CNTNAP5: variants seen among roughly 807,000 people sequenced by gnomAD.
CNTNAP5 encodes the protein contactin associated protein family member 5.
In CNTNAP5, 72 loss-of-function variants were observed where a neutral mutation model predicts 150.2. The ratio of observed to expected loss-of-function variants is 0.48; its 90% CI spans 0.40 to 0.58. The LOEUF is 0.58. CNTNAP5 is among the 20% of genes least tolerant of loss of function. CNTNAP5 has a pLI of 0.00. For synonymous variants in CNTNAP5, 672 were observed against 619.8 expected, an observed-to-expected ratio of 1.08 and a Z score of -1.25; for missense variants, 1,636 against 1,626.2, an observed-to-expected ratio of 1.01 and a Z score of -0.10.
At chr2:124,738,258 C>T (rs1680428028) in intron 13 of CNTNAP5, among the ~76,000 whole-genome samples, 1 of 152,136 alleles carries the variant, frequency 6.6e-6, no homozygotes, top group South Asian at 2.1e-4. Context: ...TTTCACTCTG[C>T]ATTTGAAAAC....
chr2:124,680,767 T>C (rs572514249), intron 13 of CNTNAP5: 9 of 151,934 alleles, frequency 5.9e-5, no homozygotes, highest in African/African-American at 2.2e-4. Context: ...ATATAAACAT[T>C]GTTGTAAGGA....
At chr2:124,043,026 A>G (rs1470759176) in intron 1 of CNTNAP5, among the ~76,000 whole-genome samples, 16 of 152,170 alleles carry the variant, frequency 1.1e-4, no homozygotes, top group Non-Finnish European at 1.5e-5. Flanking sequence ...CCAATATTCA[A>G]TTTTTAACAT....
chr2:124,574,581 C>G (rs539977324), intron 11 of CNTNAP5, among the ~76,000 whole-genome samples: 1 of 152,324 alleles, frequency 6.6e-6, no homozygotes, highest in East Asian at 1.9e-4. Flanking sequence ...CATCACAGCT[C>G]TTTCAGCTTC....
At chr2:124,062,359 A>T (rs117127266) in intron 1 of CNTNAP5, among the ~76,000 whole-genome samples, 3,687 of 152,036 alleles carry the variant, frequency 0.024, 61 homozygotes, top group East Asian at 0.068. Flanking sequence ...CTCTTCTTTA[A>T]TTCTGCTTAA....
intron 13 of CNTNAP5, among the ~76,000 whole-genome samples, chr2:124,738,667 G>A (rs1680437038): frequency 6.6e-6 from 1 of 151,840 alleles, no homozygotes; most frequent in African/African-American, 2.4e-5. Flanking sequence ...GCAGGCAGAG[G>A]TTGCAGTGAG....
intron 3 of CNTNAP5, among the ~76,000 whole-genome samples, chr2:124,263,485 T>G (rs543300537): frequency 6.6e-6 from 1 of 152,314 alleles, no homozygotes; most frequent in South Asian, 2.1e-4. Flanking sequence ...TTTGCCCACT[T>G]TTTGATGGGA....
intron 5 of CNTNAP5, among the ~76,000 whole-genome samples, chr2:124,444,952 A>G (rs748637345): frequency 4.6e-5 from 7 of 152,068 alleles, no homozygotes; most frequent in Non-Finnish European, 8.8e-5. Context: ...CATTTTATAG[A>G]TTTATTTGAT....
In CNTNAP5 at chr2:124,914,662, C is replaced by G. The variant is rs1303453992; in HGVS notation, c.*374C>G. 6.1e-6 allele frequency: 1 copy of G among 164,428 alleles called. No homozygotes were observed. The highest frequency in any genetic ancestry group is 2.4e-5 in the African/African-American group (1 of 41,754). The allele number at this position is 164,428 out of a possible 1,614,324, so 10.2% of individuals were successfully genotyped here. On this transcript the variant is annotated 3_prime_UTR_variant, in exon 24 of 24. Coordinates refer to ENST00000682447, the MANE Select transcript of CNTNAP5 (RefSeq NM_001367498.1). ...TTCAGGCTTGCTTTGAACCTGAGCTCTTAGGCACATGACGGTCATTCCTGA... is the reference window on the plus strand; with the variant it reads ...TTCAGGCTTGCTTTGAACCTGAGCTGTTAGGCACATGACGGTCATTCCTGA...
In CNTNAP5 at chr2:124,856,679, T is replaced by C. The variant is rs947172391; in HGVS notation, c.3218-8627T>C. 2.0e-5 allele frequency among the ~76,000 whole-genome samples: 3 copies of C among 152,248 alleles called. No homozygotes were observed. In the South Asian group the frequency reaches 6.2e-4, roughly 32 times the overall value. ...GTGTAGCTGAATTTCAAGTAGGATATAAATAATAATAAAATGCCTTGCTAC... is the reference window on the plus strand; with the variant it reads ...GTGTAGCTGAATTTCAAGTAGGATACAAATAATAATAAAATGCCTTGCTAC... On this transcript the variant is annotated intron_variant, in intron 19 of 23. Transcript: ENST00000682447.
rs200567593 is a variant in CNTNAP5, at chr2:124,437,377, G to GTA, written c.733+2693_733+2694dup. ...TCCTCAAGGAAGACCTATGGCATAA[G>GTA]TATACATTAGCCCCCATTTACAGAT... On this transcript the variant is annotated intron_variant, in intron 5 of 23. Coordinates refer to ENST00000682447, the MANE Select transcript of CNTNAP5 (RefSeq NM_001367498.1). Among the ~76,000 whole-genome samples, 644 of 152,214 alleles carry GTA rather than the reference G, an allele frequency of 4.2e-3. 7 individuals carry two copies. The Middle Eastern group carries it at 0.058, about 14-fold the overall frequency.
intron 18 of CNTNAP5, among the ~76,000 whole-genome samples, chr2:124,795,611 G>A (rs376040482): frequency 1.3e-5 from 2 of 152,208 alleles, no homozygotes; most frequent in East Asian, 3.9e-4. Flanking sequence ...CACGCCTCCT[G>A]GGTTCAAGTG....
At chr2:124,129,630 T>C (rs535516886) in intron 1 of CNTNAP5, among the ~76,000 whole-genome samples, 1 of 152,166 alleles carries the variant, frequency 6.6e-6, no homozygotes, top group Admixed American at 6.5e-5. Context: ...CTGTTAAAGA[T>C]GGTATTAAAT....
chr2:124,338,157 G>T (rs933548575), intron 3 of CNTNAP5, among the ~76,000 whole-genome samples: 1 of 151,718 alleles, frequency 6.6e-6, no homozygotes, highest in African/African-American at 2.4e-5. Flanking sequence ...TCATGATTTG[G>T]CTCTCTGTTT....
intron 3 of CNTNAP5, among the ~76,000 whole-genome samples, chr2:124,330,340 A>G (rs914485387): frequency 6.6e-6 from 1 of 152,194 alleles, no homozygotes; most frequent in African/African-American, 2.4e-5. Context: ...GCAAATAACT[A>G]TATTGCCATA....
At chr2:124,447,004 T>A in intron 6 of CNTNAP5, 67 bp downstream of exon 6, 1 of 1,485,704 alleles carries the variant, frequency 6.7e-7, no homozygotes, top group South Asian at 1.2e-5. Flanking sequence ...AGAAAATCAG[T>A]GAGCAGACCA....
intron 3 of CNTNAP5, among the ~76,000 whole-genome samples, chr2:124,391,091 G>C (rs1342218112): frequency 6.6e-6 from 1 of 152,138 alleles, no homozygotes; most frequent in Admixed American, 6.5e-5. Context: ...TGGACAAGTC[G>C]TTTGAACTCC....
chr2:124,205,029 A>G (rs1207334958), intron 1 of CNTNAP5, among the ~76,000 whole-genome samples: 1 of 152,222 alleles, frequency 6.6e-6, no homozygotes, highest in African/African-American at 2.4e-5. Context: ...AATTTTCAAG[A>G]AAGTCAAAGC....
chr2:124,398,084 C>T (rs550312054), intron 3 of CNTNAP5, among the ~76,000 whole-genome samples: 2 of 152,242 alleles, frequency 1.3e-5, no homozygotes, highest in South Asian at 2.1e-4. Flanking sequence ...CACAAAATTC[C>T]ACTGAGTTTC....
At chr2:124,230,852 A>T (rs751661940) in intron 2 of CNTNAP5, among the ~76,000 whole-genome samples, 5 of 152,170 alleles carry the variant, frequency 3.3e-5, no homozygotes, top group Non-Finnish European at 5.9e-5. Context: ...TTTAAAAGAC[A>T]GTAAGCTATA....
Sources: gnomAD v4.1 joint callset for allele counts (sites outside exome capture counted in the v4.1 genomes callset) on GRCh38, gnomAD v4.1.1 for gene constraint, MANE v1.5 for transcripts, NCBI Gene and HGNC (gene_info 2026-07-23, HGNC 2026-07-21) for gene names.